The following CPNE4 variants were observed in gnomAD, a reference collection of about 807,000 sequenced individuals.
The protein encoded by CPNE4 is copine 4, also known as copine-4.
CPNE4 carries 25 observed loss-of-function variants against 67.9 expected under a neutral mutation model. That is an observed-to-expected ratio of 0.37 (90% CI 0.27 to 0.51). The LOEUF (loss-of-function observed/expected upper bound fraction) is 0.51, where lower values mean the gene tolerates loss of function less well. CPNE4 is among the 20% of genes least tolerant of loss of function. The pLI, the probability that CPNE4 is intolerant of heterozygous loss-of-function variation, is 0.93. For synonymous variants in CPNE4, 242 were observed against 244.9 expected (o/e 0.99, Z 0.11); for missense variants, 464 against 690.8 (o/e 0.67, Z 3.68).
At chr3:131,668,513 G>A (rs1192586280) in intron 7 of CPNE4, among the ~76,000 whole-genome samples, 3 of 152,012 alleles carry the variant, frequency 2.0e-5, no homozygotes, top group Non-Finnish European at 4.4e-5. Flanking sequence ...CTGATTTCAG[G>A]CAATAACAGC....
intron 12 of CPNE4, among the ~76,000 whole-genome samples, chr3:131,554,085 C>T (rs1936330478): frequency 6.6e-6 from 1 of 152,048 alleles, no homozygotes; most frequent in Non-Finnish European, 1.5e-5. Context: ...TGTCCTCAGC[C>T]CTGTTGGGCC....
intron 3 of CPNE4, among the ~76,000 whole-genome samples, chr3:131,705,011 C>G (rs766726908): frequency 6.6e-6 from 1 of 152,076 alleles, no homozygotes; most frequent in African/African-American, 2.4e-5. Flanking sequence ...TGCACATACA[C>G]GAACTCACAC....
intron 7 of CPNE4, among the ~76,000 whole-genome samples, chr3:131,650,545 C>T (rs1411641751): frequency 7.0e-6 from 1 of 142,106 alleles, no homozygotes; most frequent in African/African-American, 3.1e-5. Context: ...ATCACAAGGT[C>T]GGGAGATCGA....
intron 1 of CPNE4, among the ~76,000 whole-genome samples, chr3:131,909,689 A>G (rs560548970): frequency 1.3e-5 from 2 of 152,304 alleles, no homozygotes; most frequent in South Asian, 4.1e-4. Context: ...ATACTTGCTT[A>G]TAATAGTGGC....
intron 1 of CPNE4, among the ~76,000 whole-genome samples, chr3:131,978,806 A>G (rs1300013634): frequency 1.3e-5 from 2 of 150,862 alleles, no homozygotes; most frequent in African/African-American, 2.4e-5. Context: ...GTGCTCTTTA[A>G]TTCTTTTTGA....
chr3:131,840,531 T>A (rs770596709), intron 2 of CPNE4, among the ~76,000 whole-genome samples: 1 of 152,126 alleles, frequency 6.6e-6, no homozygotes, highest in Non-Finnish European at 1.5e-5. Context: ...GCAAGACAAA[T>A]ATTTGTGTTA....
intron 2 of CPNE4, among the ~76,000 whole-genome samples, chr3:131,792,653 ATACACACG>A (rs1370866307): frequency 2.2e-4 from 16 of 71,148 alleles, no homozygotes; most frequent in African/African-American, 8.4e-4. Flanking sequence ...ATATGTATAT[ATACACACG>A]TGTATATATA....
At chr3:131,639,270 T>C (rs565228868) in intron 7 of CPNE4, among the ~76,000 whole-genome samples, 2 of 151,906 alleles carry the variant, frequency 1.3e-5, no homozygotes, top group East Asian at 1.9e-4. Flanking sequence ...ATTAGCGAGA[T>C]TAACCAAGAA....
intron 6 of CPNE4, among the ~76,000 whole-genome samples, chr3:131,673,674 G>C (rs1012042857): frequency 1.7e-4 from 26 of 151,970 alleles, no homozygotes; most frequent in African/African-American, 6.3e-4. Context: ...TTTTGTATCT[G>C]CAACTTTGCT....
intron 1 of CPNE4, among the ~76,000 whole-genome samples, chr3:131,915,479 A>T (rs1278126079): frequency 6.6e-6 from 1 of 152,204 alleles, no homozygotes; most frequent in Non-Finnish European, 1.5e-5. Flanking sequence ...GCATTTGAGG[A>T]GTTATAGATG....
At chr3:132,017,167 C>T (rs2073905059) in intron 1 of CPNE4, among the ~76,000 whole-genome samples, 1 of 151,962 alleles carries the variant, frequency 6.6e-6, no homozygotes, top group Admixed American at 6.5e-5. Context: ...ACATGGTAAA[C>T]AACTGAAAAT....
At chr3:131,984,500 T>C (rs2072993951) in intron 1 of CPNE4, among the ~76,000 whole-genome samples, 1 of 152,160 alleles carries the variant, frequency 6.6e-6, no homozygotes, top group East Asian at 1.9e-4. Context: ...TCTATCAAAG[T>C]AGTTGATGTG....
At chr3:132,035,037 C>A (rs542479506), upstream of CPNE4, 36 of 985,316 alleles carry the variant, frequency 3.7e-5, no homozygotes, top group Admixed American at 6.1e-5. Context: ...CCCAGCAACC[C>A]GGCAAGAGAC....
chr3:131,992,818 T>C lies in CPNE4; in HGVS notation c.-2+41749A>G, dbSNP rs189523438. 2.2e-4 allele frequency among the ~76,000 whole-genome samples: 30 copies of C among 135,942 alleles called. 3 individuals are homozygous for C. The highest frequency in any genetic ancestry group is 7.4e-4 in the African/African-American group (30 of 40,756). 89.2% of individuals were successfully genotyped at this position (135,942 alleles called of 152,430 possible). On this transcript the variant is annotated intron_variant, in intron 1 of 15. Transcript: ENST00000429747. The stretch of plus-strand genomic sequence containing the variant: ...TACTCCCATGCCATTCTAGTGATAG[T>C]GAGTGAGTTCTCACGAGATCTAAGG...
At chr3:131,659,905 G>T (rs922645156) in intron 7 of CPNE4, among the ~76,000 whole-genome samples, 1 of 152,150 alleles carries the variant, frequency 6.6e-6, no homozygotes, top group Non-Finnish European at 1.5e-5. Context: ...TCAGGCAGTT[G>T]TTTCACAAGG....
chr3:131,864,659 C>T (rs1213776497), intron 2 of CPNE4, among the ~76,000 whole-genome samples: 1 of 152,000 alleles, frequency 6.6e-6, no homozygotes, highest in African/African-American at 2.4e-5. Flanking sequence ...CAAACAGGGA[C>T]AATTTGACTT....
At chr3:131,596,090 G>C (rs1938826524) in intron 7 of CPNE4, among the ~76,000 whole-genome samples, 2 of 152,136 alleles carry the variant, frequency 1.3e-5, no homozygotes, top group South Asian at 4.1e-4. Context: ...GAACAGTATA[G>C]TATTGTGCAC....
At chr3:131,832,455 G>T (rs1402170052) in intron 2 of CPNE4, among the ~76,000 whole-genome samples, 1 of 152,182 alleles carries the variant, frequency 6.6e-6, no homozygotes, top group African/African-American at 2.4e-5. Context: ...AGGTGGGACT[G>T]CCAGGCAGTC....
chr3:131,805,272 T>C (rs946588293), intron 2 of CPNE4, among the ~76,000 whole-genome samples: 1 of 152,176 alleles, frequency 6.6e-6, no homozygotes, highest in African/African-American at 2.4e-5. Context: ...AGTACAATTT[T>C]GCAGATGTAT....
Sources: gnomAD v4.1 joint callset for allele counts (sites outside exome capture counted in the v4.1 genomes callset) on GRCh38, gnomAD v4.1.1 for gene constraint, MANE v1.5 for transcripts, NCBI Gene and HGNC (gene_info 2026-07-23, HGNC 2026-07-21) for gene names.